Variants in BCAS3 observed in about 807,000 individuals in gnomAD.
BCAS3 encodes BCAS3 microtubule associated cell migration factor.
In BCAS3, 53 loss-of-function variants were observed where a neutral mutation model predicts 116.1. The ratio of observed to expected loss-of-function variants is 0.46; its 90% CI spans 0.37 to 0.57. The LOEUF is 0.57. Among genes scored for constraint, BCAS3 ranks in the 20% least tolerant of loss-of-function variants. The probability of loss-of-function intolerance (pLI) is 0.00; values close to 1 mark genes in which losing one functional copy is unlikely to be tolerated. For synonymous variants in BCAS3, 391 were observed against 408.2 expected (o/e 0.96, Z 0.51); for missense variants, 917 against 1,165.4 (o/e 0.79, Z 3.10).
At chr17:60,946,426 C>T (rs1021786256) in intron 13 of BCAS3, among the ~76,000 whole-genome samples, 3 of 152,162 alleles carry the variant, frequency 2.0e-5, no homozygotes, top group African/African-American at 7.2e-5. Flanking sequence ...TTAGCTATGA[C>T]ATCTCATCAA....
intron 4 of BCAS3, among the ~76,000 whole-genome samples, chr17:60,707,746 T>C (rs998655740): frequency 2.6e-5 from 4 of 152,210 alleles, no homozygotes; most frequent in Non-Finnish European, 5.9e-5. Context: ...TTTTAACATA[T>C]ATTGAAATGA....
chr17:60,709,227 A>G lies in BCAS3; in HGVS notation c.223A>G (p.Arg75Gly). 1 of 1,523,344 alleles carries G rather than the reference A, an allele frequency of 6.6e-7. No individual in the cohort carries two copies. The highest frequency in any genetic ancestry group is 9.1e-7 in the Non-Finnish European group (1 of 1,103,414). The allele number at this position is 1,523,344 out of a possible 1,614,324, so 94.4% of individuals were successfully genotyped here. Residue 75 changes from arginine (R) to glycine (G), a missense_variant, in exon 5 of 24, where the codon AGA becomes GGA. Arg to Gly is a moderately radical substitution (Grantham distance 125). Coordinates refer to ENST00000407086, the MANE Select transcript of BCAS3 (RefSeq NM_017679.5). ...FENADLNDTSRNLEFHEIHST... is the reference protein window; with the variant it reads ...FENADLNDTSGNLEFHEIHST... ...ACTTAATTCTAATGCAGATACATCAAGAAATCTGGAATTTCATGAAATACA... is the reference window on the plus strand; with the variant it reads ...ACTTAATTCTAATGCAGATACATCAGGAAATCTGGAATTTCATGAAATACA...
At position 60,700,712 on chromosome 17, in the gene BCAS3, C is replaced by T. The variant is rs559029459; in HGVS notation, c.215-8507C>T. Among the ~76,000 whole-genome samples the T allele has an allele frequency of 1.8e-4, 27 of 152,186 alleles. No homozygotes were observed. In the South Asian group the frequency reaches 5.0e-3, roughly 28 times the overall value. ...AAGTTAGAGGATTATCCCTGAAAGA[C>T]CAAGGGAGAGTATTTTAAGGAATAA... On this transcript the variant is annotated intron_variant, in intron 4 of 23. Coordinates refer to ENST00000407086, the MANE Select transcript of BCAS3 (RefSeq NM_017679.5).
chr17:60,812,339 A>T lies in BCAS3; in HGVS notation c.476+4263A>T, dbSNP rs890801306. 2.6e-5 allele frequency among the ~76,000 whole-genome samples: 4 copies of T among 152,298 alleles called. No individual in the cohort carries two copies. In the East Asian group the frequency reaches 7.7e-4, roughly 29 times the overall value. On this transcript the variant is annotated intron_variant, in intron 7 of 23. Transcript: ENST00000407086. Reference sequence around the variant, plus strand: ...ATATAGGAGTTTGCAAAAAAATGTGACTTAAGGTGGCTTATATATCATCTC... The same window carrying T: ...ATATAGGAGTTTGCAAAAAAATGTGTCTTAAGGTGGCTTATATATCATCTC...
At position 61,181,612 on chromosome 17, in the gene BCAS3, T is replaced by G. The variant is rs1196862911; in HGVS notation, c.2425+97048T>G. 6.6e-6 allele frequency among the ~76,000 whole-genome samples: 1 copy of G among 152,356 alleles called. No individual in the cohort carries two copies. Among genetic ancestry groups the G allele is most frequent in the Non-Finnish European group, 1.5e-5 (1 of 68,024 alleles). ...TGTTTCTTTCTGAGTTGCCAAATGC[T>G]GAGAAAGCAGACAGTAATTGATGTA... On this transcript the variant is annotated intron_variant, in intron 22 of 23. Coordinates refer to ENST00000407086, the MANE Select transcript of BCAS3 (RefSeq NM_017679.5). The surrounding 1 kb of genome is among the most constrained non-coding windows in gnomAD (Gnocchi z 5.0).
At chr17:60,788,473 CA>C (rs980184959) in intron 6 of BCAS3, among the ~76,000 whole-genome samples, 1 of 152,074 alleles carries the variant, frequency 6.6e-6, no homozygotes, top group African/African-American at 2.4e-5. Context: ...ATTTAACCTT[CA>C]AAAAATACTG....
intron 5 of BCAS3, among the ~76,000 whole-genome samples, chr17:60,723,045 T>G (rs932261642): frequency 6.6e-6 from 1 of 152,000 alleles, no homozygotes; most frequent in Non-Finnish European, 1.5e-5. Flanking sequence ...AAGACCCTAT[T>G]TCAAAAAATG....
chr17:61,086,577 TA>T, intron 22 of BCAS3: 1 of 566,962 alleles, frequency 1.8e-6, no homozygotes, highest in Non-Finnish European at 2.2e-6. Context: ...TAAGATTACT[TA>T]ATTTGCATCA....
At chr17:61,319,853 T>C (rs1467784002) in intron 22 of BCAS3, among the ~76,000 whole-genome samples, 1 of 151,624 alleles carries the variant, frequency 6.6e-6, no homozygotes, top group African/African-American at 2.4e-5. Flanking sequence ...GAATAGTCTT[T>C]TTTCTTTTTC....
intron 14 of BCAS3, among the ~76,000 whole-genome samples, chr17:60,981,752 T>A (rs1004153739): frequency 1.3e-5 from 2 of 152,192 alleles, no homozygotes; most frequent in Non-Finnish European, 2.9e-5. Context: ...CCAACAACCC[T>A]ATGAAATTGG....
intron 7 of BCAS3, among the ~76,000 whole-genome samples, chr17:60,811,931 T>A (rs1481311471): frequency 6.6e-6 from 1 of 152,032 alleles, no homozygotes; most frequent in African/African-American, 2.4e-5. Flanking sequence ...CACACGCCTG[T>A]GGTCCCAGCT....
At chr17:60,829,640 T>G (rs996423533) in intron 7 of BCAS3, among the ~76,000 whole-genome samples, 3 of 152,198 alleles carry the variant, frequency 2.0e-5, no homozygotes, top group African/African-American at 7.2e-5. Context: ...TTGGTGTACA[T>G]TTCTGTTTGG....
rs1284643144 is a variant in BCAS3 at position 61,214,470 on chromosome 17, G to C, written c.2425+129906G>C. Among the ~76,000 whole-genome samples, 1 of 151,998 alleles carries C rather than the reference G, an allele frequency of 6.6e-6. No homozygotes were observed. Among genetic ancestry groups the C allele is most frequent in the African/African-American group, 2.4e-5 (1 of 41,356 alleles). On this transcript the variant is annotated intron_variant, in intron 22 of 23. Transcript: ENST00000407086. The surrounding 1 kb of genome is among the most constrained non-coding windows in gnomAD (Gnocchi z 4.4). ...AAGGCCGAGGCAGGTGGATCACAAG[G>C]TCAGGAGATGGAGATCATCCTGGCT...
intron 22 of BCAS3, among the ~76,000 whole-genome samples, chr17:61,111,220 A>G (rs960468227): frequency 3.9e-5 from 6 of 152,150 alleles, no homozygotes; most frequent in Non-Finnish European, 7.4e-5. Context: ...CCAGCAACGG[A>G]ACAAAGGTGG....
Position 60,902,647 on chromosome 17 carries a change from G to A in BCAS3, c.766G>A (p.Gly256Arg). Residue 256 changes from glycine to arginine, a missense_variant, in exon 11 of 24, where the codon GGA (glycine) becomes AGA (arginine). Around this residue, in one of 3 missense-constraint regions of BCAS3, gnomAD observed 807 missense variants for 1,026.0 expected, o/e 0.79. Coordinates refer to ENST00000407086, the MANE Select transcript of BCAS3 (RefSeq NM_017679.5). The stretch of plus-strand genomic sequence containing the variant: ...GATTCGATGTCATCAGTCCCGTGGT[G>A]GAGCCTGTGGAGACAACATTCAGTC... ...KLIRCHQSRG[G>R]ACGDNIQSYT... 1 of 1,612,822 alleles carries A rather than the reference G, an allele frequency of 6.2e-7. No homozygotes were observed. The highest frequency in any genetic ancestry group is 8.5e-7 in the Non-Finnish European group (1 of 1,178,822).
intron 7 of BCAS3, chr17:60,810,268 G>T: frequency 2.2e-6 from 1 of 446,702 alleles, no homozygotes; most frequent in Non-Finnish European, 4.4e-6. Context: ...TGTGGCCAGT[G>T]TCTGTGCAGG....
chr17:61,371,185 G>T (rs1163558136), intron 23 of BCAS3, among the ~76,000 whole-genome samples: 3 of 152,192 alleles, frequency 2.0e-5, no homozygotes, highest in Non-Finnish European at 4.4e-5. Context: ...TGACACAGAA[G>T]CCTATTCTAT....
chr17:60,893,581 A>C (rs1238117239), intron 10 of BCAS3, among the ~76,000 whole-genome samples: 3 of 140,392 alleles, frequency 2.1e-5, no homozygotes, highest in Non-Finnish European at 4.6e-5. Flanking sequence ...TTCTCTGTTC[A>C]GTTATCTTGA....
At chr17:60,797,588 G>T (rs2047328284) in intron 6 of BCAS3, among the ~76,000 whole-genome samples, 1 of 151,968 alleles carries the variant, frequency 6.6e-6, no homozygotes, top group Non-Finnish European at 1.5e-5. Flanking sequence ...GAATGTGCAT[G>T]TTTGTTACAT....
Sources: allele counts gnomAD v4.1 joint callset (sites outside exome capture counted in the v4.1 genomes callset), GRCh38; gene constraint gnomAD v4.1.1; regional missense constraint gnomAD v4.1.1; non-coding constraint Gnocchi (gnomAD v3.1); transcripts MANE v1.5; gene names NCBI Gene and HGNC (gene_info 2026-07-23, HGNC 2026-07-21).